PKHD1L1: variants seen among roughly 807,000 people sequenced by gnomAD.
The protein encoded by PKHD1L1 is fibrocystin-L.
A neutral mutation model predicts 462.9 loss-of-function variants in PKHD1L1; 434 were observed. That is an observed-to-expected ratio of 0.94 (90% CI 0.87 to 1.02). The LOEUF (loss-of-function observed/expected upper bound fraction) is 1.02, where lower values mean the gene tolerates loss of function less well. Ranked by LOEUF, PKHD1L1 falls within the 50% of genes least tolerant of loss-of-function variation. The pLI is 0.00. For synonymous variants in PKHD1L1, 1,781 were observed against 1,750.0 expected (o/e 1.02, Z -0.44); for missense variants, 5,202 against 5,096.1 (o/e 1.02, Z -0.63).
chr8:109,434,566 T>G (rs10101070), intron 28 of PKHD1L1, among the ~76,000 whole-genome samples: 2,968 of 152,180 alleles, frequency 0.02, 103 homozygotes, highest in African/African-American at 0.068. Flanking sequence ...CCTCCCAGGT[T>G]CAAGTGATTC....
At chr8:109,503,287 AAAAAAC>A (rs1163120584) in intron 67 of PKHD1L1, among the ~76,000 whole-genome samples, 17 of 142,790 alleles carry the variant, frequency 1.2e-4, no homozygotes, top group South Asian at 7.3e-4. Context: ...CTCAAAAAAC[AAAAAAC>A]AAAAACAAAA....
chr8:109,433,900 G>A (rs1815247762), intron 28 of PKHD1L1, among the ~76,000 whole-genome samples: 1 of 151,980 alleles, frequency 6.6e-6, no homozygotes, highest in Non-Finnish European at 1.5e-5. Flanking sequence ...AAGAAAATGT[G>A]GTACATATAC....
Position 109,445,272 on chromosome 8 carries a change from T to A in PKHD1L1, c.5403T>A (p.Leu1801=). 1 of 1,614,018 alleles carries A rather than the reference T, an allele frequency of 6.2e-7. No individual in the cohort carries two copies. The highest frequency in any genetic ancestry group is 8.5e-7 in the Non-Finnish European group (1 of 1,179,884). ...TTAATGAAAACAACATCACTGCTCT[T>A]GTGACTCCTCTCCCAGTTGGACATC... is the stretch of plus-strand genomic sequence containing the variant. The part of the protein sequence containing the change: ...IEVNENNITA[L]VTPLPVGHHS... Residue 1801 remains leucine, a synonymous_variant, in exon 38 of 78, where the codon CTT becomes CTA. Transcript: ENST00000378402.
chr8:109,426,715 A>G (rs1814767361), intron 24 of PKHD1L1, among the ~76,000 whole-genome samples: 2 of 152,086 alleles, frequency 1.3e-5, no homozygotes, highest in Non-Finnish European at 2.9e-5. Flanking sequence ...GTGCAGTGGC[A>G]CGATCTTGGA....
rs778317538 is a variant in PKHD1L1, at chr8:109,479,978, T to C, written c.9179-13T>C. 1 of 1,547,138 alleles carries C rather than the reference T, an allele frequency of 6.5e-7. No individual in the cohort carries two copies. The highest frequency in any genetic ancestry group is 1.4e-5 in the African/African-American group (1 of 71,296). The stretch of plus-strand genomic sequence containing the variant: ...ATGGATTATGTTATATTTCTTAAAG[T>C]ATTGTTTTATAGGAACATGGATTGT... On this transcript the variant is annotated splice_polypyrimidine_tract_variant and intron_variant, in intron 54 of 77. Transcript: ENST00000378402.
intron 26 of PKHD1L1, 97 bp from the exon 27 acceptor site, chr8:109,429,835 A>C (rs1814991178): frequency 1.2e-6 from 1 of 837,338 alleles, no homozygotes. Flanking sequence ...GTAAATTAGC[A>C]AACCAACAAA....
chr8:109,375,014 C>T (rs1332472471), intron 2 of PKHD1L1, among the ~76,000 whole-genome samples: 1 of 151,930 alleles, frequency 6.6e-6, no homozygotes, highest in Non-Finnish European at 1.5e-5. Flanking sequence ...TCTTTGTGGC[C>T]TTCTCTGTAT....
chr8:109,424,915 A>G (rs1288200456), intron 23 of PKHD1L1, among the ~76,000 whole-genome samples, 170 bp from the exon 24 acceptor site: 2 of 152,186 alleles, frequency 1.3e-5, no homozygotes, highest in African/African-American at 4.8e-5. Flanking sequence ...TATTGCAGCC[A>G]TATAGGTATG....
chr8:109,441,917 A>G, intron 34 of PKHD1L1, 90 bp from the exon 35 acceptor site: 2 of 1,089,486 alleles, frequency 1.8e-6, no homozygotes, highest in Non-Finnish European at 2.5e-6. Flanking sequence ...TGTTTTCACT[A>G]CTGACTGTAT....
intron 68 of PKHD1L1, among the ~76,000 whole-genome samples, chr8:109,506,875 A>T (rs549187077): frequency 3.9e-5 from 6 of 152,292 alleles, no homozygotes; most frequent in Non-Finnish European, 7.4e-5. Context: ...TTGTATGCAT[A>T]CCATTTGAAT....
At chr8:109,523,968 G>A (rs1402815919) in intron 76 of PKHD1L1, among the ~76,000 whole-genome samples, 2 of 151,988 alleles carry the variant, frequency 1.3e-5, no homozygotes, top group Admixed American at 6.6e-5. Context: ...CTTCAACATC[G>A]GTGCAGTAAA....
At chr8:109,520,517 C>T (rs1451366687) in intron 73 of PKHD1L1, among the ~76,000 whole-genome samples, 2 of 152,222 alleles carry the variant, frequency 1.3e-5, no homozygotes, top group African/African-American at 4.8e-5. Flanking sequence ...TATAAGACCA[C>T]TGAAGAATGT....
chr8:109,372,973 T>G (rs1811595267), intron 2 of PKHD1L1, among the ~76,000 whole-genome samples: 1 of 152,218 alleles, frequency 6.6e-6, no homozygotes, highest in Admixed American at 6.5e-5. Context: ...TTTCTTTTTT[T>G]GTTGCATCTC....
At chr8:109,463,515 C>T (rs1824191) in intron 48 of PKHD1L1, among the ~76,000 whole-genome samples, 5,869 of 152,082 alleles carry the variant, frequency 0.039, 239 homozygotes, top group African/African-American at 0.1. Context: ...GAGGAAGTAA[C>T]GTTTTATTTC....
chr8:109,432,506 A>G (rs1366047419), intron 27 of PKHD1L1, among the ~76,000 whole-genome samples: 1 of 152,104 alleles, frequency 6.6e-6, no homozygotes, highest in Non-Finnish European at 1.5e-5. Context: ...ATAGTTAGAT[A>G]TGTAATTATC....
rs749055819 is a variant in PKHD1L1, at chr8:109,401,594, GC to G, written c.1373+7del. On this transcript the variant is annotated splice_region_variant and intron_variant, in intron 14 of 77. Coordinates refer to ENST00000378402, the MANE Select transcript of PKHD1L1 (RefSeq NM_177531.6). The stretch of plus-strand genomic sequence containing the variant: ...CATCTGCAGAAAGGAAAAGAGTAAG[GC>G]TTTTTCCTGTCATTAAATTACTGTG... 6.1e-6 allele frequency: 9 copies of G among 1,466,150 alleles called. No homozygotes were observed. The African/African-American group carries it at 1.1e-4, about 18-fold the overall frequency. 90.8% of individuals were successfully genotyped at this position (1,466,150 alleles called of 1,614,324 possible).
intron 9 of PKHD1L1, 84 bp downstream of exon 9, chr8:109,390,578 A>T: frequency 1.3e-6 from 1 of 744,192 alleles, no homozygotes; most frequent in Middle Eastern, 4.1e-4. Flanking sequence ...TGTGCTGTAG[A>T]TGCAGAGGTT....
At position 109,470,474 on chromosome 8, in the gene PKHD1L1, C is replaced by T. The variant is rs571285130; in HGVS notation, c.8605+3705C>T. The T allele has an allele frequency of 9.4e-5, 151 of 1,607,916 alleles. No individual in the cohort carries two copies. In the African/African-American group the frequency reaches 1.4e-3, roughly 15 times the overall value. ...AATGGATTGGTTAAAGCCCAGATAG[C>T]GCTAGAGGAAGCATCACAGCAACTG... is the stretch of plus-strand genomic sequence containing the variant. On this transcript the variant is annotated intron_variant, in intron 50 of 77. Coordinates refer to ENST00000378402, the MANE Select transcript of PKHD1L1 (RefSeq NM_177531.6).
At chr8:109,421,575 G>A (rs1586475632) in intron 23 of PKHD1L1, among the ~76,000 whole-genome samples, 1 of 152,090 alleles carries the variant, frequency 6.6e-6, no homozygotes, top group African/African-American at 2.4e-5. Flanking sequence ...GAGGTCAGAA[G>A]ATCGAGACCA....
Sources: allele counts gnomAD v4.1 joint callset (sites outside exome capture counted in the v4.1 genomes callset), GRCh38; gene constraint gnomAD v4.1.1; transcripts MANE v1.5; gene names NCBI Gene and HGNC (gene_info 2026-07-23, HGNC 2026-07-21).